The following ITSN1 variants were observed in gnomAD, a reference collection of about 807,000 sequenced individuals.
ITSN1 encodes the protein intersectin 1, also known as intersectin-1.
ITSN1 carries 58 observed loss-of-function variants against 239.8 expected under a neutral mutation model. The ratio of observed to expected loss-of-function variants is 0.24; its 90% confidence interval spans 0.20 to 0.30. ITSN1 has a LOEUF of 0.30. Among genes scored for constraint, ITSN1 ranks in the 10% least tolerant of loss-of-function variants. The pLI, the probability that ITSN1 is intolerant of heterozygous loss-of-function variation, is 1.00. For missense variants in ITSN1, 1,558 were observed against 2,103.3 expected (o/e 0.74, Z 5.07); for synonymous variants, 780 against 770.8 (o/e 1.01, Z -0.20).
chr21:33,897,473 T>C lies in ITSN1; in HGVS notation c.*9173T>C, dbSNP rs1241593091. On this transcript the variant is annotated 3_prime_UTR_variant, in exon 40 of 40. Transcript: ENST00000381318. ...TCCTGTGGATGATAATCAGCTCAGT[T>C]TCCGGTTTTCTACATTCTGTGCTGT... 1 of 152,246 alleles carries C rather than the reference T, an allele frequency of 6.6e-6. No homozygotes were observed. The highest frequency in any genetic ancestry group is 6.5e-5 in the Admixed American group (1 of 15,286). 9.4% of individuals were successfully genotyped at this position (152,246 alleles called of 1,614,324 possible).
At chr21:33,708,239 A>G (rs557333993) in intron 1 of ITSN1, among the ~76,000 whole-genome samples, 2 of 152,288 alleles carry the variant, frequency 1.3e-5, no homozygotes, top group African/African-American at 4.8e-5. Flanking sequence ...AGTTCTTTAG[A>G]TATTGTGGAT....
intron 1 of ITSN1, among the ~76,000 whole-genome samples, chr21:33,716,738 G>A (rs1250707322): frequency 6.7e-6 from 1 of 148,828 alleles, no homozygotes; most frequent in Non-Finnish European, 1.5e-5. Flanking sequence ...CGGATCACAA[G>A]GTCAGGAGTT....
Position 33,731,640 on chromosome 21 carries a change from A to G in ITSN1, c.186-3404A>G, listed in dbSNP as rs566495415. On this transcript the variant is annotated intron_variant, in intron 4 of 39. Transcript: ENST00000381318. Reference sequence around the variant, plus strand: ...ACCAACTTTATGCCAGAGGTGCAAGATTGGTTCAGAGTCGAAAAATTCTAT... The same window carrying G: ...ACCAACTTTATGCCAGAGGTGCAAGGTTGGTTCAGAGTCGAAAAATTCTAT... 4.6e-5 allele frequency among the ~76,000 whole-genome samples: 7 copies of G among 152,358 alleles called. No homozygotes were observed. The South Asian group carries it at 1.4e-3, about 32-fold the overall frequency.
intron 12 of ITSN1, among the ~76,000 whole-genome samples, chr21:33,774,187 T>TA (rs1240231892): frequency 6.6e-6 from 1 of 152,142 alleles, no homozygotes; most frequent in African/African-American, 2.4e-5. Flanking sequence ...GATGCTCTGA[T>TA]ATGTACTCTA....
rs1327480774 is a variant in ITSN1 at position 33,829,582 on chromosome 21, GACTCTTA to G, written c.3230-39_3230-33del. On this transcript the variant is annotated intron_variant, in intron 26 of 39. Coordinates refer to ENST00000381318, the MANE Select transcript of ITSN1 (RefSeq NM_003024.3). Reference sequence around the variant, plus strand: ...CATCTTCTTGGCCTTTTCTCCTGCTGACTCTTAACAGTGCACTGCCGTGTTTGATCTT... The same window carrying G: ...CATCTTCTTGGCCTTTTCTCCTGCTGACAGTGCACTGCCGTGTTTGATCTT... 8 of 1,604,248 alleles carry G rather than the reference GACTCTTA, an allele frequency of 5.0e-6. No individual in the cohort carries two copies. The East Asian group carries it at 1.8e-4, about 36-fold the overall frequency.
In ITSN1 at chr21:33,898,911, A is replaced by C. The variant is rs995567144; in HGVS notation, c.*10611A>C. 2.6e-5 allele frequency: 4 copies of C among 152,242 alleles called. No individual in the cohort carries two copies. Among genetic ancestry groups the C allele is most frequent in the African/African-American group, 9.6e-5 (4 of 41,454 alleles). 9.4% of individuals were successfully genotyped at this position (152,242 alleles called of 1,614,324 possible). On this transcript the variant is annotated 3_prime_UTR_variant, in exon 40 of 40. Coordinates refer to ENST00000381318, the MANE Select transcript of ITSN1 (RefSeq NM_003024.3). ...TATTTAGGTGCATGAATAATCTGCAAATCACTTAGAGGCACTGTCCATGTG... is the reference window on the plus strand; with the variant it reads ...TATTTAGGTGCATGAATAATCTGCACATCACTTAGAGGCACTGTCCATGTG...
intron 19 of ITSN1, among the ~76,000 whole-genome samples, chr21:33,802,105 C>A (rs1461887466): frequency 6.6e-6 from 1 of 152,006 alleles, no homozygotes; most frequent in East Asian, 1.9e-4. Context: ...AACAAACCAG[C>A]CTAATATTTT....
At chr21:33,861,436 CAATAAATA>C (rs1175933709) in intron 31 of ITSN1, among the ~76,000 whole-genome samples, 1 of 152,114 alleles carries the variant, frequency 6.6e-6, no homozygotes, top group East Asian at 1.9e-4. Context: ...AACAAGTCAA[CAATAAATA>C]AATAACATGA....
chr21:33,816,019 T>TAAAAAAAAAA (rs895767625), intron 22 of ITSN1, among the ~76,000 whole-genome samples: 3 of 151,496 alleles, frequency 2.0e-5, no homozygotes, highest in African/African-American at 7.3e-5. Flanking sequence ...TCATCTCTAC[T>TAAAAAAAAAA]AAAAAAAATA....
chr21:33,677,005 G>C (rs1210209634), intron 1 of ITSN1, among the ~76,000 whole-genome samples: 1 of 146,110 alleles, frequency 6.8e-6, no homozygotes, highest in African/African-American at 2.5e-5. Context: ...GGGACCTGTC[G>C]TGAGGTGCGG....
At chr21:33,777,379 G>C (rs2147845822) in intron 14 of ITSN1, among the ~76,000 whole-genome samples, 1 of 152,268 alleles carries the variant, frequency 6.6e-6, no homozygotes, top group African/African-American at 2.4e-5. Context: ...GAAGTCAAGT[G>C]ATACGAATTC....
intron 29 of ITSN1, among the ~76,000 whole-genome samples, chr21:33,840,260 CT>C (rs2074776660): frequency 6.6e-6 from 1 of 152,192 alleles, no homozygotes; most frequent in Non-Finnish European, 1.5e-5. Context: ...AAGAAAGCAT[CT>C]TTCTTCTAAT....
chr21:33,815,244 A>G (rs900389805), intron 22 of ITSN1, among the ~76,000 whole-genome samples: 7 of 152,092 alleles, frequency 4.6e-5, no homozygotes, highest in African/African-American at 1.7e-4. Flanking sequence ...ACAGGGAGAA[A>G]ATAGCAAATC....
intron 20 of ITSN1, among the ~76,000 whole-genome samples, chr21:33,808,325 C>T (rs1271915758): frequency 1.3e-5 from 2 of 152,150 alleles, no homozygotes; most frequent in African/African-American, 2.4e-5. Flanking sequence ...TGGCTCACGC[C>T]TGTAATCCCA....
At chr21:33,771,921 C>T (rs1427246996) in intron 11 of ITSN1, 140 bp from the exon 12 acceptor site, 1 of 871,428 alleles carries the variant, frequency 1.1e-6, no homozygotes, top group Non-Finnish European at 1.8e-6. Context: ...TCGTTGTGCT[C>T]ATTAACAAGG....
chr21:33,841,427 A>G (rs1199535631), intron 29 of ITSN1, among the ~76,000 whole-genome samples: 3 of 152,228 alleles, frequency 2.0e-5, no homozygotes, highest in East Asian at 1.9e-4. Context: ...AATGAAATCA[A>G]CCGGTGACTA....
intron 5 of ITSN1, among the ~76,000 whole-genome samples, chr21:33,741,811 C>T (rs1242359223): frequency 1.4e-5 from 2 of 140,500 alleles, no homozygotes; most frequent in South Asian, 2.4e-4. Context: ...AGGAGAATGG[C>T]GTGAACCCTG....
chr21:33,672,985 G>A (rs1421377970), intron 1 of ITSN1, among the ~76,000 whole-genome samples: 5 of 152,116 alleles, frequency 3.3e-5, no homozygotes, highest in African/African-American at 9.7e-5. Flanking sequence ...GTAGGATTAC[G>A]GGCGGGAGGC....
At position 33,721,172 on chromosome 21, in the gene ITSN1, T is replaced by G. The variant is rs1158126738; in HGVS notation, c.29-6T>G. Reference sequence around the variant, plus strand: ...ATAATTTGTTTGTCTTTTCTTTGGATTTTAGGCAGCCTGGATATCTGGGCC... The same window carrying G: ...ATAATTTGTTTGTCTTTTCTTTGGAGTTTAGGCAGCCTGGATATCTGGGCC... On this transcript the variant is annotated splice_polypyrimidine_tract_variant and splice_region_variant and intron_variant, in intron 2 of 39. Coordinates refer to ENST00000381318, the MANE Select transcript of ITSN1 (RefSeq NM_003024.3). The G allele has an allele frequency of 6.2e-7, 1 of 1,606,456 alleles. No individual in the cohort carries two copies. Among genetic ancestry groups the G allele is most frequent in the African/African-American group, 1.3e-5 (1 of 74,824 alleles).
Sources: gnomAD v4.1 joint callset for allele counts (sites outside exome capture counted in the v4.1 genomes callset) on GRCh38, gnomAD v4.1.1 for gene constraint, MANE v1.5 for transcripts, NCBI Gene and HGNC (gene_info 2026-07-23, HGNC 2026-07-21) for gene names.